The following PLEKHM2 variants were observed in gnomAD, a reference collection of about 807,000 sequenced individuals.
The protein encoded by PLEKHM2 is pleckstrin homology domain-containing family M member 2.
PLEKHM2 carries 77 observed loss-of-function variants against 116.3 expected under a neutral mutation model. The observed-to-expected ratio is 0.66, with a 90% confidence interval of 0.55 to 0.80. The LOEUF (loss-of-function observed/expected upper bound fraction) is 0.80, where lower values mean the gene tolerates loss of function less well. Among genes scored for constraint, PLEKHM2 ranks in the 30% least tolerant of loss-of-function variants. The pLI, the probability that PLEKHM2 is intolerant of heterozygous loss-of-function variation, is 0.00. For missense variants in PLEKHM2, 1,183 were observed against 1,354.9 expected (o/e 0.87, Z 1.99); for synonymous variants, 562 against 571.0 (o/e 0.98, Z 0.22).
At chr1:15,681,674 C>T, upstream of PLEKHM2, 1 of 444,836 alleles carries the variant, frequency 2.2e-6, no homozygotes, top group Admixed American at 2.4e-5. Flanking sequence ...AGGAAGTGCG[C>T]AATTCTGACT....
intron 1 of PLEKHM2, among the ~76,000 whole-genome samples, chr1:15,694,689 AC>A (rs1640956182): frequency 6.6e-6 from 1 of 151,322 alleles, no homozygotes; most frequent in African/African-American, 2.4e-5. Context: ...GCTTCTCCTA[AC>A]CTCTTGCCAG....
intron 1 of PLEKHM2, among the ~76,000 whole-genome samples, chr1:15,712,648 CTTTTTTT>C (rs1366648962): frequency 3.7e-5 from 5 of 136,710 alleles, no homozygotes; most frequent in African/African-American, 1.4e-4. Flanking sequence ...TCTTATTTTC[CTTTTTTT>C]TTTTTTTTTT....
intron 1 of PLEKHM2, among the ~76,000 whole-genome samples, chr1:15,714,766 G>T (rs1007790824): frequency 1.2e-4 from 19 of 152,222 alleles, no homozygotes; most frequent in African/African-American, 4.6e-4. Flanking sequence ...CCTGAGATCA[G>T]GATCAGGCAT....
At chr1:15,699,670 T>C (rs1641071631) in intron 1 of PLEKHM2, among the ~76,000 whole-genome samples, 2 of 152,174 alleles carry the variant, frequency 1.3e-5, no homozygotes, top group Admixed American at 6.5e-5. Flanking sequence ...CATGTGTCTT[T>C]ACCACATCTC....
chr1:15,732,361 G>A lies in PLEKHM2; in HGVS notation c.2637G>A (p.Gln879=). ...TGCCCCGCTGCCAGGTCATCCCCCA[G>A]GGCGTAGCTCCCAGCCCCTGCATAC... ...CQAVSKGVIP[Q]GVAPSPCIPC... Residue 879 remains glutamine (Q), a synonymous_variant, in exon 18 of 20, where the codon CAG becomes CAA. Transcript: ENST00000375799. 3.2e-6 allele frequency: 5 copies of A among 1,553,468 alleles called. No homozygotes were observed. The highest frequency in any genetic ancestry group is 4.4e-6 in the Non-Finnish European group (5 of 1,148,488).
In PLEKHM2 at chr1:15,725,517, G is replaced by A. The variant is rs199588266; in HGVS notation, c.913G>A (p.Asp305Asn). 11 of 1,573,392 alleles carry A rather than the reference G, an allele frequency of 7.0e-6. No homozygotes were observed. The Admixed American group carries it at 1.8e-4, about 26-fold the overall frequency. Residue 305 changes from aspartate (D) to asparagine (N), a missense_variant, in exon 8 of 20, where the codon GAT becomes AAT. Asp to Asn is a conservative substitution (Grantham distance 23). Around this residue, in one of 3 missense-constraint regions of PLEKHM2, gnomAD observed 372 missense variants for 357.2 expected, o/e 1.04. Coordinates refer to ENST00000375799, the MANE Select transcript of PLEKHM2 (RefSeq NM_015164.4). The part of the protein sequence containing the change: ...KEEAQALDPP[D>N]ACTELEVIRV... ...GGAGGCCCAGGCCCTGGACCCGCCG[G>A]ATGCCTGCACGGAGCTCGAGGTCAT...
intron 4 of PLEKHM2, 78 bp downstream of exon 4, chr1:15,718,070 G>C: frequency 1.1e-6 from 1 of 900,848 alleles, no homozygotes. Flanking sequence ...TTGTCATGCA[G>C]ACAGCACAGT....
upstream of PLEKHM2, among the ~76,000 whole-genome samples, chr1:15,682,421 G>A (rs950321007): frequency 2.0e-5 from 3 of 147,556 alleles, no homozygotes; most frequent in Non-Finnish European, 3.0e-5. Flanking sequence ...ACCGCACTCC[G>A]GCCTGGGTGA....
Position 15,716,731 on chromosome 1 carries a change from C to G in PLEKHM2, c.192C>G (p.Tyr64Ter). Reference protein sequence around the residue: ...LYGLQDLSSGYWVLVVHFTRR... With the variant: ...LYGLQDLSSG The stretch of plus-strand genomic sequence containing the variant: ...GACTGCAAGACCTCTCCTCTGGCTA[C>G]TGGGTGCTCGTGGTGCATTTTACTC... Residue 64 changes from tyrosine to a stop codon, truncating the protein, a stop_gained, in exon 3 of 20, where the codon TAC (tyrosine) becomes TAG (stop). Coordinates refer to ENST00000375799, the MANE Select transcript of PLEKHM2 (RefSeq NM_015164.4). LOFTEE classifies it high-confidence loss of function. 1 of 1,575,422 alleles carries G rather than the reference C, an allele frequency of 6.3e-7. No homozygotes were observed. Among genetic ancestry groups the G allele is most frequent in the Non-Finnish European group, 8.6e-7 (1 of 1,160,250 alleles).
chr1:15,713,792 C>T (rs1012696933), intron 1 of PLEKHM2, among the ~76,000 whole-genome samples: 37 of 151,976 alleles, frequency 2.4e-4, no homozygotes, highest in African/African-American at 8.2e-4. Context: ...CCTGCCACTA[C>T]GCCCGGCTAA....
At chr1:15,700,986 G>A (rs1571030168) in intron 1 of PLEKHM2, among the ~76,000 whole-genome samples, 2 of 151,926 alleles carry the variant, frequency 1.3e-5, no homozygotes, top group South Asian at 4.1e-4. Flanking sequence ...GGTGGTGGAC[G>A]CCTGTAATCC....
At chr1:15,725,704 G>A in intron 8 of PLEKHM2, 159 bp downstream of exon 8, 3 of 609,778 alleles carry the variant, frequency 4.9e-6, no homozygotes, top group Non-Finnish European at 8.7e-6. Context: ...CTTTGAGCAA[G>A]AGGAAGTGGA....
intron 3 of PLEKHM2, 36 bp from the exon 4 acceptor site, chr1:15,717,856 AG>A: frequency 7.5e-7 from 1 of 1,337,470 alleles, no homozygotes; most frequent in South Asian, 1.2e-5. Flanking sequence ...GCAGTCTGAG[AG>A]GCCTTCCTGC....
At chr1:15,697,696 C>T (rs951305512) in intron 1 of PLEKHM2, among the ~76,000 whole-genome samples, 2 of 152,216 alleles carry the variant, frequency 1.3e-5, no homozygotes, top group African/African-American at 4.8e-5. Context: ...CAGGGTCTCA[C>T]TCTGTCACCC....
At chr1:15,697,177 A>G (rs1641015318) in intron 1 of PLEKHM2, among the ~76,000 whole-genome samples, 1 of 152,240 alleles carries the variant, frequency 6.6e-6, no homozygotes, top group South Asian at 2.1e-4. Flanking sequence ...CGCCAGTGCC[A>G]CACACAACAC....
At chr1:15,705,110 CT>C (rs1384360567) in intron 1 of PLEKHM2, among the ~76,000 whole-genome samples, 8 of 151,946 alleles carry the variant, frequency 5.3e-5, no homozygotes, top group Admixed American at 1.3e-4. Context: ...GGCACCCCCC[CT>C]GCCCCTGAAC....
chr1:15,707,269 C>CAA (rs34649127), intron 1 of PLEKHM2, among the ~76,000 whole-genome samples: 5,204 of 138,390 alleles, frequency 0.038, 297 homozygotes, highest in African/African-American at 0.13. Flanking sequence ...AAAAAAAATA[C>CAA]AAAAAAAAAA....
In PLEKHM2 at chr1:15,733,814, G is replaced by A. The variant is rs550032769; in HGVS notation, c.2940G>A (p.Thr980=). The A allele has an allele frequency of 2.0e-5, 33 of 1,613,004 alleles. No homozygotes were observed. In the Admixed American group the frequency reaches 2.5e-4, roughly 12 times the overall value. The change falls in exon 20 of 20, where the codon ACG becomes ACA. Residue 980 remains threonine (T), a synonymous_variant. Coordinates refer to ENST00000375799, the MANE Select transcript of PLEKHM2 (RefSeq NM_015164.4). ...KTIYQVDLPH[T]AIQEASNKKK... ...CAACACAGGTGGACCTCCCCCACAC[G>A]GCGATCCAGGAAGCCTCCAACAAGA... is the stretch of plus-strand genomic sequence containing the variant.
chr1:15,725,667 G>A, intron 8 of PLEKHM2, 122 bp downstream of exon 8: 1 of 688,326 alleles, frequency 1.5e-6, no homozygotes. Context: ...ATGCCTTCCT[G>A]GAAACCCTTC....
Sources: allele counts gnomAD v4.1 joint callset (sites outside exome capture counted in the v4.1 genomes callset), GRCh38; gene constraint gnomAD v4.1.1; regional missense constraint gnomAD v4.1.1; transcripts MANE v1.5; gene names NCBI Gene and HGNC (gene_info 2026-07-23, HGNC 2026-07-21).